Variants in FTCD observed in about 807,000 individuals in gnomAD.
FTCD encodes the protein formimidoyltransferase-cyclodeaminase.
A neutral mutation model predicts 62.9 loss-of-function variants in FTCD; 76 were observed. The observed-to-expected ratio is 1.21, with a 90% CI of 1.00 to 1.46. The LOEUF (loss-of-function observed/expected upper bound fraction) is 1.46. Ranked by LOEUF, FTCD falls within the 40% of genes most tolerant of loss-of-function variation. The pLI is 0.00. For synonymous variants in FTCD, 397 were observed against 336.9 expected (o/e 1.18, Z -1.95); for missense variants, 845 against 751.3 (o/e 1.12, Z -1.46).
chr21:46,150,430 C>T lies in FTCD; in HGVS notation c.732G>A (p.Thr244=), dbSNP rs201364918. 1.3e-5 allele frequency: 21 copies of T among 1,613,128 alleles called. No individual in the cohort carries two copies. In the South Asian group the frequency reaches 1.4e-4, roughly 11 times the overall value. The part of the protein sequence containing the change: ...VSTNLLDFEV[T]ALHTVYEETC... ...TCTCCTCGTAGACCGTGTGCAGTGC[C>T]GTGACCTCAAAGTCCAGAAGATTGG... The change falls in exon 6 of 14, where the codon ACG becomes ACA. Residue 244 remains threonine, a synonymous_variant. Transcript: ENST00000397746.
intron 10 of FTCD, among the ~76,000 whole-genome samples, chr21:46,141,930 G>T (rs964599741): frequency 5.3e-5 from 8 of 152,166 alleles, no homozygotes; most frequent in Non-Finnish European, 1.0e-4. Flanking sequence ...CCGGGGAGGG[G>T]GGTGCTTCCC....
rs909214098 is a variant in FTCD, at chr21:46,154,070, C to T, written c.238+79G>A. On this transcript the variant is annotated intron_variant, in intron 2 of 13. Transcript: ENST00000397746. ...CCAAGCCTGGGCCCCGGGCCTACCC[C>T]CTCTCCCAGGACACCAGGACAGGGC... The T allele has an allele frequency of 5.5e-5, 82 of 1,481,598 alleles. No homozygotes were observed. In the African/African-American group the frequency reaches 1.1e-3, roughly 19 times the overall value. The allele number at this position is 1,481,598 out of a possible 1,614,324, so 91.8% of individuals were successfully genotyped here. A position where few individuals can be genotyped will look rare whatever the true frequency, so the allele number is the denominator to read the frequency against.
intron 2 of FTCD, 107 bp downstream of exon 2, chr21:46,154,042 G>A (rs569756529): frequency 2.6e-5 from 31 of 1,193,922 alleles, no homozygotes; most frequent in Admixed American, 1.4e-4. Context: ...TGGACCCCAC[G>A]TTCCAAGCCT....
At chr21:46,147,973 A>C (rs1454218267) in intron 7 of FTCD, among the ~76,000 whole-genome samples, 2 of 151,566 alleles carry the variant, frequency 1.3e-5, no homozygotes, top group Non-Finnish European at 2.9e-5. Flanking sequence ...AGAAGACAAA[A>C]CGCCACACTG....
rs1429197014 is a variant in FTCD at position 46,150,035 on chromosome 21, C to T, written c.906+84G>A. On this transcript the variant is annotated intron_variant, in intron 7 of 13. Transcript: ENST00000397746. ...AGGGGGAGGAGGGGGAGGGAAGCTG[C>T]GCCCCAGGGCTGTGAGCTCCGCCAC... 46 of 1,248,924 alleles carry T rather than the reference C, an allele frequency of 3.7e-5. 1 individual carries two copies. Among genetic ancestry groups the T allele is most frequent in the South Asian group, 1.1e-4 (9 of 78,752 alleles). The allele number at this position is 1,248,924 out of a possible 1,614,324, so 77.4% of individuals were successfully genotyped here. A position where few individuals can be genotyped will look rare whatever the true frequency, so the allele number is the denominator to read the frequency against.
At chr21:46,136,482 G>T (rs114980528), downstream of FTCD, 1,512 of 1,612,630 alleles carry the variant, frequency 9.4e-4, 9 homozygotes, top group African/African-American at 0.013. Context: ...AGGTCCTGCT[G>T]TCCCTGGGGT....
At chr21:46,138,713 C>G in intron 11 of FTCD, 67 bp from the exon 12 acceptor site, 2 of 1,528,978 alleles carry the variant, frequency 1.3e-6, no homozygotes, top group Admixed American at 3.4e-5. Flanking sequence ...CACACTGCAC[C>G]CCAACAGGGC....
At chr21:46,155,126 C>A (rs542762101) in intron 1 of FTCD, among the ~76,000 whole-genome samples, 8 of 152,336 alleles carry the variant, frequency 5.3e-5, no homozygotes, top group Admixed American at 3.9e-4. Context: ...CCTCACACAG[C>A]CCTTTCAGTC....
Position 46,143,635 on chromosome 21 carries a change from A to T in FTCD, c.1260+1782T>A, listed in dbSNP as rs1831230027. On this transcript the variant is annotated intron_variant, in intron 10 of 13. Coordinates refer to ENST00000397746, the MANE Select transcript of FTCD (RefSeq NM_206965.2). ...TGAAGGGGCACGCTAAAAAGTGACC[A>T]AAAAACGAGTGTGAGCTCTTTGTCA... is the stretch of plus-strand genomic sequence containing the variant. Among the ~76,000 whole-genome samples, 3 of 152,322 alleles carry T rather than the reference A, an allele frequency of 2.0e-5. No individual in the cohort carries two copies. In the South Asian group the frequency reaches 6.2e-4, roughly 32 times the overall value.
Position 46,138,517 on chromosome 21 carries a change from T to A in FTCD, c.1434A>T (p.Ser478=). The change falls in exon 12 of 14, where the codon TCA becomes TCT. Residue 478 remains serine (S), a synonymous_variant. Coordinates refer to ENST00000397746, the MANE Select transcript of FTCD (RefSeq NM_206965.2). ...LARCGNLACR[S]DLQVAAKALE... is the part of the protein sequence containing the mutation. ...CCCCGGGCCCCCCTACCTGGAGGTCTGACCGGCAGGCCAGGTTCCCACACC... is the reference window on the plus strand; with the variant it reads ...CCCCGGGCCCCCCTACCTGGAGGTCAGACCGGCAGGCCAGGTTCCCACACC... 1 of 1,586,178 alleles carries A rather than the reference T, an allele frequency of 6.3e-7. No homozygotes were observed. The highest frequency in any genetic ancestry group is 8.5e-7 in the Non-Finnish European group (1 of 1,173,176).
Position 46,150,450 on chromosome 21 carries a change from G to T in FTCD, c.712C>A (p.Leu238Ile), listed in dbSNP as rs745312716. 6.2e-6 allele frequency: 10 copies of T among 1,612,794 alleles called. No homozygotes were observed. In the Admixed American group the frequency reaches 1.7e-4, roughly 27 times the overall value. ...AGTGCCGTGACCTCAAAGTCCAGAAGATTGGTGGACACCTGAGCCAGGTTC... is the reference window on the plus strand; with the variant it reads ...AGTGCCGTGACCTCAAAGTCCAGAATATTGGTGGACACCTGAGCCAGGTTC... ...EKNLAQVSTNLLDFEVTALHT... is the reference protein window; with the variant it reads ...EKNLAQVSTNILDFEVTALHT... The change falls in exon 6 of 14, where the codon CTT becomes ATT. Residue 238 changes from leucine (L) to isoleucine (I), a missense_variant. Physicochemically the swap from Leu to Ile is conservative, Grantham distance 5. Transcript: ENST00000397746.
In FTCD at chr21:46,136,894, A is replaced by G. The variant is rs1452932878; in HGVS notation, c.*93T>C. 1.6e-5 allele frequency: 26 copies of G among 1,590,242 alleles called. No individual in the cohort carries two copies. In the African/African-American group the frequency reaches 2.3e-4, roughly 14 times the overall value. On this transcript the variant is annotated 3_prime_UTR_variant, in exon 14 of 14. Coordinates refer to ENST00000397746, the MANE Select transcript of FTCD (RefSeq NM_206965.2). ...TGCCCACCTACCCTCCGGGCCCCAC[A>G]CGAACAAGCTGTGTCCCCACCGAGG...
chr21:46,154,294 C>T lies in FTCD; in HGVS notation c.93G>A (p.Pro31=), dbSNP rs753805704. 1.3e-5 allele frequency: 21 copies of T among 1,611,660 alleles called. No homozygotes were observed. Among genetic ancestry groups the T allele is most frequent in the East Asian group, 1.1e-4 (5 of 44,836 alleles). The change falls in exon 2 of 14, where the codon CCG becomes CCA. Residue 31 remains proline (P), a synonymous_variant. Coordinates refer to ENST00000397746, the MANE Select transcript of FTCD (RefSeq NM_206965.2). The part of the protein sequence containing the change: ...DAISGAITQT[P]GCVLLDVDAG... ...CGTCCACATCCAGCAGCACGCAGCCCGGGGTCTGTGTGATGGCTCCAGAGA... is the reference window on the plus strand; with the variant it reads ...CGTCCACATCCAGCAGCACGCAGCCTGGGGTCTGTGTGATGGCTCCAGAGA...
rs138556907 is a variant in FTCD at position 46,138,855 on chromosome 21, G to A, written c.1304+25C>T. On this transcript the variant is annotated intron_variant, in intron 11 of 13. Coordinates refer to ENST00000397746, the MANE Select transcript of FTCD (RefSeq NM_206965.2). Reference sequence around the variant, plus strand: ...CAACTCCCCAGACACAGAGGCCCACGGTGCGGCCGGCCCTCCAGGCTCACC... The same window carrying A: ...CAACTCCCCAGACACAGAGGCCCACAGTGCGGCCGGCCCTCCAGGCTCACC... The A allele has an allele frequency of 2.2e-4, 345 of 1,597,952 alleles. 3 individuals carry two copies. The East Asian group carries it at 6.3e-3, about 29-fold the overall frequency.
intron 10 of FTCD, 112 bp from the exon 11 acceptor site, chr21:46,139,035 T>C (rs2078936855): frequency 1.2e-6 from 1 of 843,970 alleles, no homozygotes; most frequent in Admixed American, 1.8e-5. Context: ...AGGGACCAGT[T>C]CTCTGGGAAC....
chr21:46,139,075 C>T, intron 10 of FTCD, 152 bp from the exon 11 acceptor site: 1 of 698,626 alleles, frequency 1.4e-6, no homozygotes, highest in South Asian at 1.5e-5. Flanking sequence ...TGGTTTATAG[C>T]CCTTAGCATC....
rs756369089 is a variant in FTCD at position 46,137,231 on chromosome 21, C to T, written c.1539+8G>A. 5 of 1,607,716 alleles carry T rather than the reference C, an allele frequency of 3.1e-6. No homozygotes were observed. The highest frequency in any genetic ancestry group is 4.3e-6 in the Non-Finnish European group (5 of 1,174,330). On this transcript the variant is annotated splice_region_variant and intron_variant, in intron 13 of 13. Transcript: ENST00000397746. ...GGGGTCCGGGCACCACACCTGCCTCCTGCTCACCTGGTCCTTAAATGCCTC... is the reference window on the plus strand; with the variant it reads ...GGGGTCCGGGCACCACACCTGCCTCTTGCTCACCTGGTCCTTAAATGCCTC...
intron 2 of FTCD, 21 bp downstream of exon 2, chr21:46,154,128 A>G (rs2079371341): frequency 6.2e-7 from 1 of 1,611,402 alleles, no homozygotes; most frequent in Non-Finnish European, 8.5e-7. Context: ...CGGCAGCCAC[A>G]GGAGAGCCCA....
chr21:46,155,244 A>T (rs2079401701), intron 1 of FTCD, among the ~76,000 whole-genome samples: 1 of 151,900 alleles, frequency 6.6e-6, no homozygotes. Context: ...AGCCACAGCC[A>T]AGCCTCAGCC....
Sources: allele counts gnomAD v4.1 joint callset (sites outside exome capture counted in the v4.1 genomes callset), GRCh38; gene constraint gnomAD v4.1.1; transcripts MANE v1.5; gene names NCBI Gene and HGNC (gene_info 2026-07-23, HGNC 2026-07-21).